The following CNTNAP2 variants were observed in gnomAD, a reference collection of about 807,000 sequenced individuals.
CNTNAP2 encodes contactin associated protein 2, also known as contactin-associated protein-like 2.
A neutral mutation model predicts 155.2 loss-of-function variants in CNTNAP2; 98 were observed. The ratio of observed to expected loss-of-function variants is 0.63; its 90% CI spans 0.54 to 0.75. CNTNAP2 has a LOEUF of 0.75. Ranked by LOEUF, CNTNAP2 falls within the 30% of genes least tolerant of loss-of-function variation. The pLI is 0.00. For synonymous variants in CNTNAP2, 651 were observed against 631.2 expected, an observed-to-expected ratio of 1.03 and a Z score of -0.47; for missense variants, 1,727 against 1,688.1, an observed-to-expected ratio of 1.02 and a Z score of -0.40.
chr7:147,197,341 G>A (rs1488387325), intron 8 of CNTNAP2, among the ~76,000 whole-genome samples: 9 of 54,210 alleles, frequency 1.7e-4, no homozygotes, highest in African/African-American at 2.8e-4. Context: ...CTGCCCCCCC[G>A]CCCCCCGTGG....
chr7:146,357,475 A>G (rs1226494906), intron 1 of CNTNAP2, among the ~76,000 whole-genome samples: 14 of 152,156 alleles, frequency 9.2e-5, no homozygotes, highest in Admixed American at 8.5e-4. Context: ...AGTGTAGCTT[A>G]TAGATTACAT....
chr7:146,506,523 G>T (rs2129134346), intron 1 of CNTNAP2, among the ~76,000 whole-genome samples: 1 of 152,318 alleles, frequency 6.6e-6, no homozygotes, highest in South Asian at 2.1e-4. Flanking sequence ...CAAGGCATTT[G>T]CCTCATCATT....
intron 3 of CNTNAP2, among the ~76,000 whole-genome samples, chr7:146,976,736 G>A (rs1461013275): frequency 6.6e-6 from 1 of 152,130 alleles, no homozygotes; most frequent in Admixed American, 6.5e-5. Flanking sequence ...CATGATTGAA[G>A]CATGGAGAAA....
chr7:148,115,376 C>T (rs532714632), intron 15 of CNTNAP2, among the ~76,000 whole-genome samples: 1 of 152,156 alleles, frequency 6.6e-6, no homozygotes, highest in Non-Finnish European at 1.5e-5. Flanking sequence ...TAAGAAGGTA[C>T]TTGATTGGAT....
chr7:148,184,973 T>C (rs1474322680), intron 18 of CNTNAP2, among the ~76,000 whole-genome samples: 2 of 152,238 alleles, frequency 1.3e-5, no homozygotes, highest in African/African-American at 2.4e-5. Context: ...ACTGAAAGCC[T>C]CTTTAGTGAG....
At chr7:146,774,487 A>G in intron 2 of CNTNAP2, 106 bp downstream of exon 2, 1 of 782,494 alleles carries the variant, frequency 1.3e-6, no homozygotes, top group South Asian at 1.5e-5. Flanking sequence ...GGCAGACACC[A>G]GAAATCACTC....
intron 13 of CNTNAP2, among the ~76,000 whole-genome samples, chr7:147,819,802 T>G (rs1463619531): frequency 1.3e-5 from 2 of 152,094 alleles, no homozygotes; most frequent in African/African-American, 2.4e-5. Flanking sequence ...CAGAATATAC[T>G]CTTCGAGGTC....
intron 8 of CNTNAP2, among the ~76,000 whole-genome samples, chr7:147,265,237 G>A (rs181154845): frequency 5.3e-5 from 8 of 152,222 alleles, no homozygotes; most frequent in Admixed American, 2.6e-4. Flanking sequence ...TGTGCAGGAC[G>A]TGCAGGTTTG....
At chr7:148,085,522 T>C (rs1437758574) in intron 15 of CNTNAP2, among the ~76,000 whole-genome samples, 2 of 152,176 alleles carry the variant, frequency 1.3e-5, no homozygotes, top group Non-Finnish European at 2.9e-5. Context: ...TCTGAACTAA[T>C]TTTAAAAGAA....
At chr7:146,179,994 T>C (rs1798527254) in intron 1 of CNTNAP2, among the ~76,000 whole-genome samples, 1 of 152,170 alleles carries the variant, frequency 6.6e-6, no homozygotes, top group East Asian at 1.9e-4. Flanking sequence ...TCTCCGCCAC[T>C]TCCAAGCCAT....
intron 14 of CNTNAP2, among the ~76,000 whole-genome samples, chr7:147,924,892 C>T (rs184067586): frequency 6.1e-4 from 93 of 151,802 alleles, no homozygotes; most frequent in African/African-American, 2.0e-3. Context: ...CCTAGGCGGG[C>T]GGATCATGAG....
At chr7:147,882,642 A>C (rs933387751) in intron 13 of CNTNAP2, among the ~76,000 whole-genome samples, 1 of 152,168 alleles carries the variant, frequency 6.6e-6, no homozygotes, top group Non-Finnish European at 1.5e-5. Context: ...TGTGACTACG[A>C]GCCAGGCTTT....
chr7:146,356,312 T>A (rs746566633), intron 1 of CNTNAP2, among the ~76,000 whole-genome samples: 4 of 151,986 alleles, frequency 2.6e-5, no homozygotes, highest in Non-Finnish European at 4.4e-5. Flanking sequence ...AAGATGCTGG[T>A]TTTTTACCTT....
chr7:147,920,065 A>C (rs17237485), intron 14 of CNTNAP2, among the ~76,000 whole-genome samples: 29,793 of 151,694 alleles, frequency 0.2, 3,586 homozygotes, highest in Middle Eastern at 0.34. Context: ...GAAACCTTAA[A>C]AAGTATGCCT....
chr7:146,412,282 C>T (rs1212800790), intron 1 of CNTNAP2, among the ~76,000 whole-genome samples: 2 of 152,228 alleles, frequency 1.3e-5, no homozygotes, highest in African/African-American at 4.8e-5. Context: ...CCGCAATGCT[C>T]TTATCTGTAA....
At chr7:148,393,392 G>C (rs1235461569) in intron 22 of CNTNAP2, among the ~76,000 whole-genome samples, 2 of 152,094 alleles carry the variant, frequency 1.3e-5, no homozygotes, top group African/African-American at 4.8e-5. Flanking sequence ...ATCATCCCTT[G>C]CTTGCTAATG....
intron 15 of CNTNAP2, among the ~76,000 whole-genome samples, chr7:148,073,872 T>A (rs982372656): frequency 6.6e-6 from 1 of 151,994 alleles, no homozygotes; most frequent in African/African-American, 2.4e-5. Flanking sequence ...TTGAAACCCA[T>A]GTATATAGAG....
In CNTNAP2 at chr7:148,170,541, A is replaced by G. The variant is rs113423580; in HGVS notation, c.2774-1701A>G. Among the ~76,000 whole-genome samples the G allele has an allele frequency of 7.8e-3, 1,192 of 152,344 alleles. 7 individuals are homozygous for G. The highest frequency in any genetic ancestry group is 0.021 in the Middle Eastern group (6 of 292). On this transcript the variant is annotated intron_variant, in intron 17 of 23. Coordinates refer to ENST00000361727, the MANE Select transcript of CNTNAP2 (RefSeq NM_014141.6). ...GTTGTTTTTAATAACTTCTTTTGCCATCTACTCTCTCATAGCTTTGATCAA... is the reference window on the plus strand; with the variant it reads ...GTTGTTTTTAATAACTTCTTTTGCCGTCTACTCTCTCATAGCTTTGATCAA...
At chr7:147,206,176 CTTT>C (rs1416341643) in intron 8 of CNTNAP2, among the ~76,000 whole-genome samples, 1 of 151,192 alleles carries the variant, frequency 6.6e-6, no homozygotes, top group Non-Finnish European at 1.5e-5. Context: ...TTACAAGCTT[CTTT>C]GTTAAACACT....
Sources: allele counts gnomAD v4.1 joint callset (sites outside exome capture counted in the v4.1 genomes callset), GRCh38; gene constraint gnomAD v4.1.1; transcripts MANE v1.5; gene names NCBI Gene and HGNC (gene_info 2026-07-23, HGNC 2026-07-21).